The following LRRC58 variants were observed in gnomAD, a reference collection of about 807,000 sequenced individuals.
The protein encoded by LRRC58 is leucine rich repeat containing 58.
LRRC58 carries 18 observed loss-of-function variants against 30.6 expected under a neutral mutation model. The ratio of observed to expected loss-of-function variants is 0.59; its 90% CI spans 0.41 to 0.87. The LOEUF is 0.87. Among genes scored for constraint, LRRC58 ranks in the 40% least tolerant of loss-of-function variants. The pLI is 0.00. For synonymous variants in LRRC58, 221 were observed against 206.0 expected (o/e 1.07, Z -0.62); for missense variants, 420 against 468.4 (o/e 0.90, Z 0.95).
At position 120,349,041 on chromosome 3, in the gene LRRC58, G is replaced by A. The variant is rs1423424053; in HGVS notation, c.203C>T (p.Pro68Leu). The A allele has an allele frequency of 1.3e-6, 2 of 1,518,424 alleles. No homozygotes were observed. Among genetic ancestry groups the A allele is most frequent in the Admixed American group, 2.0e-5 (1 of 49,292 alleles). The allele number at this position is 1,518,424 out of a possible 1,614,324, so 94.1% of individuals were successfully genotyped here. A position where few individuals can be genotyped will look rare whatever the true frequency, so the allele number is the denominator to read the frequency against. ...GCTCACGTCCAGCAGCTGGAGGTGCGGGAAGCCGCTGCCCAGCGCCCGTGG... is the reference window on the plus strand; with the variant it reads ...GCTCACGTCCAGCAGCTGGAGGTGCAGGAAGCCGCTGCCCAGCGCCCGTGG... ...SLPRALGSGF[P>L]HLQLLDVSGN... Residue 68 changes from proline to leucine, a missense_variant, in exon 1 of 4, where the codon CCG (proline) becomes CTG (leucine). Physicochemically the swap from Pro to Leu is moderately conservative, Grantham distance 98. Transcript: ENST00000295628.
chr3:120,348,976 G>C lies in LRRC58; in HGVS notation c.268C>G (p.Leu90Val), dbSNP rs1450917261. 1.3e-6 allele frequency: 2 copies of C among 1,536,728 alleles called. No individual in the cohort carries two copies. Among genetic ancestry groups the C allele is most frequent in the East Asian group, 2.5e-5 (1 of 40,332 alleles). ...LTALGPELLA[L>V]RGLRTLLAKN... Reference sequence around the variant, plus strand: ...GCCAGCAGCGTGCGCAGGCCGCGCAGAGCGAGCAGCTCCGGCCCGAGCGCG... The same window carrying C: ...GCCAGCAGCGTGCGCAGGCCGCGCACAGCGAGCAGCTCCGGCCCGAGCGCG... The change falls in exon 1 of 4, where the codon CTG becomes GTG. Residue 90 changes from leucine to valine, a missense_variant. By Grantham distance (32) the Leu-to-Val change is conservative (BLOSUM62 1). Transcript: ENST00000295628.
rs753836777 is a variant in LRRC58 at position 120,329,247 on chromosome 3, A to G, written c.*1953T>C. 18 of 152,104 alleles carry G rather than the reference A, an allele frequency of 1.2e-4. No individual in the cohort carries two copies. The highest frequency in any genetic ancestry group is 2.5e-4 in the Non-Finnish European group (17 of 67,968). The allele number at this position is 152,104 out of a possible 1,614,324, so 9.4% of individuals were successfully genotyped here. A position where few individuals can be genotyped will look rare whatever the true frequency, so the allele number is the denominator to read the frequency against. Reference sequence around the variant, plus strand: ...CTTATGTATCTTAGGTAAGTCACTTATTTACAAAACATTTTACATTTGTCA... The same window carrying G: ...CTTATGTATCTTAGGTAAGTCACTTGTTTACAAAACATTTTACATTTGTCA... On this transcript the variant is annotated 3_prime_UTR_variant, in exon 4 of 4. Coordinates refer to ENST00000295628, the MANE Select transcript of LRRC58 (RefSeq NM_001099678.2).
In LRRC58 at chr3:120,324,896, T is replaced by A. The variant is rs1283829074; in HGVS notation, c.*6304A>T. ...ACTTATTTATCTATAGATGTAGATA[T>A]TCCTAATTTGCAAGATTTCAAATAC... On this transcript the variant is annotated 3_prime_UTR_variant, in exon 4 of 4. Transcript: ENST00000295628. The A allele has an allele frequency of 1.3e-5, 2 of 152,350 alleles. No homozygotes were observed. The highest frequency in any genetic ancestry group is 3.9e-4 in the East Asian group (2 of 5,192). The allele number at this position is 152,350 out of a possible 1,614,324, so 9.4% of individuals were successfully genotyped here.
chr3:120,329,972 A>AT lies in LRRC58; in HGVS notation c.*1227dup, dbSNP rs555663595. The AT allele has an allele frequency of 1.3e-5, 2 of 151,892 alleles. No individual in the cohort carries two copies. Among genetic ancestry groups the AT allele is most frequent in the Non-Finnish European group, 2.9e-5 (2 of 67,892 alleles). 9.4% of individuals were successfully genotyped at this position (151,892 alleles called of 1,614,324 possible). A position where few individuals can be genotyped will look rare whatever the true frequency, so the allele number is the denominator to read the frequency against. On this transcript the variant is annotated 3_prime_UTR_variant, in exon 4 of 4. Coordinates refer to ENST00000295628, the MANE Select transcript of LRRC58 (RefSeq NM_001099678.2). ...CATTAAGGATACAATATATTTAATAATTTTTTTCTATTTTATTAATACTTT... is the reference window on the plus strand; with the variant it reads ...CATTAAGGATACAATATATTTAATAATTTTTTTTCTATTTTATTAATACTTT...
In LRRC58 at chr3:120,326,109, T is replaced by G. The variant is rs1354916824; in HGVS notation, c.*5091A>C. The G allele has an allele frequency of 6.6e-6, 1 of 152,182 alleles. No homozygotes were observed. The highest frequency in any genetic ancestry group is 2.4e-5 in the African/African-American group (1 of 41,444). The allele number at this position is 152,182 out of a possible 1,614,324, so 9.4% of individuals were successfully genotyped here. A position where few individuals can be genotyped will look rare whatever the true frequency, so the allele number is the denominator to read the frequency against. On this transcript the variant is annotated 3_prime_UTR_variant, in exon 4 of 4. Transcript: ENST00000295628. The stretch of plus-strand genomic sequence containing the variant: ...AAGGCACATACTTCCTGACCACAAC[T>G]GAAATCATGATACCTTTAAAAAGAT...
chr3:120,328,405 A>G lies in LRRC58; in HGVS notation c.*2795T>C, dbSNP rs1204508824. On this transcript the variant is annotated 3_prime_UTR_variant, in exon 4 of 4. Coordinates refer to ENST00000295628, the MANE Select transcript of LRRC58 (RefSeq NM_001099678.2). ...CAATTTCAAATACTAGCACTGAAGA[A>G]TGCCATTCTAAATATATTAATGTTA... 6.6e-6 allele frequency: 1 copy of G among 152,218 alleles called. No individual in the cohort carries two copies. The highest frequency in any genetic ancestry group is 1.5e-5 in the Non-Finnish European group (1 of 68,026). 9.4% of individuals were successfully genotyped at this position (152,218 alleles called of 1,614,324 possible).
In LRRC58 at chr3:120,326,780, C is replaced by T. The variant is rs148674499; in HGVS notation, c.*4420G>A. 5.9e-5 allele frequency: 9 copies of T among 152,124 alleles called. No homozygotes were observed. The highest frequency in any genetic ancestry group is 2.0e-4 in the Admixed American group (3 of 15,286). The allele number at this position is 152,124 out of a possible 1,614,324, so 9.4% of individuals were successfully genotyped here. On this transcript the variant is annotated 3_prime_UTR_variant, in exon 4 of 4. Coordinates refer to ENST00000295628, the MANE Select transcript of LRRC58 (RefSeq NM_001099678.2). ...TAACCTCATATATACATAATATAAC[C>T]GATAGTTTTGTCTACCAAGGGTCTT...
chr3:120,344,629 A>C (rs1935944749), intron 1 of LRRC58, among the ~76,000 whole-genome samples: 1 of 152,166 alleles, frequency 6.6e-6, no homozygotes. Context: ...CATGAACAGA[A>C]AAAGGAAGGC....
chr3:120,341,431 T>C (rs1250704212), intron 1 of LRRC58, among the ~76,000 whole-genome samples: 2 of 151,940 alleles, frequency 1.3e-5, no homozygotes, highest in Non-Finnish European at 2.9e-5. Context: ...AAAAATAAAG[T>C]AAAAAAAGGA....
rs1936024998 is a variant in LRRC58, at chr3:120,349,307, G to A, written c.-64C>T. 4.5e-6 allele frequency: 6 copies of A among 1,327,754 alleles called. No homozygotes were observed. In the Admixed American group the frequency reaches 2.5e-4, roughly 55 times the overall value. The allele number at this position is 1,327,754 out of a possible 1,614,324, so 82.2% of individuals were successfully genotyped here. Reference sequence around the variant, plus strand: ...AGCGCCGCGCGCGGTCCAGAGGCCGGGAGCTCTGCGGCGCCCCGGAACCTG... The same window carrying A: ...AGCGCCGCGCGCGGTCCAGAGGCCGAGAGCTCTGCGGCGCCCCGGAACCTG... On this transcript the variant is annotated 5_prime_UTR_variant, in exon 1 of 4. Transcript: ENST00000295628.
chr3:120,342,423 G>T (rs1480234034), intron 1 of LRRC58, among the ~76,000 whole-genome samples: 2 of 152,232 alleles, frequency 1.3e-5, no homozygotes, highest in Non-Finnish European at 2.9e-5. Flanking sequence ...ACCAGCTGCA[G>T]AGAGGAGTAT....
Position 120,329,053 on chromosome 3 carries a change from T to C in LRRC58, c.*2147A>G, listed in dbSNP as rs890817673. 4.6e-5 allele frequency: 7 copies of C among 152,174 alleles called. No homozygotes were observed. Among genetic ancestry groups the C allele is most frequent in the Non-Finnish European group, 1.0e-4 (7 of 68,012 alleles). The allele number at this position is 152,174 out of a possible 1,614,324, so 9.4% of individuals were successfully genotyped here. A position where few individuals can be genotyped will look rare whatever the true frequency, so the allele number is the denominator to read the frequency against. On this transcript the variant is annotated 3_prime_UTR_variant, in exon 4 of 4. Transcript: ENST00000295628. ...GGGTATGTAAGATTATATATTTACA[T>C]ACCTATCCATTTATTTTACGAAGAC...
Position 120,348,882 on chromosome 3 carries a change from C to T in LRRC58, c.362G>A (p.Ser121Asn). The change falls in exon 1 of 4, where the codon AGC becomes AAC. Residue 121 changes from serine (S) to asparagine (N), a missense_variant. By Grantham distance (46) the Ser-to-Asn change is conservative. Coordinates refer to ENST00000295628, the MANE Select transcript of LRRC58 (RefSeq NM_001099678.2). ...GCCGCTGAGGTTGAGCACCTGGAGG[C>T]TGCGGCAGAGCGGCGACTGGGCCAG... ...KGLAQSPLCRSLQVLNLSGNC... is the reference protein window; with the variant it reads ...KGLAQSPLCRNLQVLNLSGNC... The T allele has an allele frequency of 1.3e-6, 2 of 1,592,002 alleles. No individual in the cohort carries two copies. Among genetic ancestry groups the T allele is most frequent in the Non-Finnish European group, 8.5e-7 (1 of 1,170,538 alleles).
chr3:120,338,535 T>C (rs56384860), intron 1 of LRRC58, among the ~76,000 whole-genome samples: 6,585 of 152,316 alleles, frequency 0.043, 358 homozygotes, highest in African/African-American at 0.13. Context: ...AGCAATCAGA[T>C]AGTGATGGAA....
chr3:120,341,951 C>T (rs569729510), intron 1 of LRRC58, among the ~76,000 whole-genome samples: 4 of 152,226 alleles, frequency 2.6e-5, no homozygotes, highest in East Asian at 1.9e-4. Context: ...TGCCTTCCCG[C>T]GAGCAGCTGC....
At position 120,329,597 on chromosome 3, in the gene LRRC58, T is replaced by C. The variant is rs1935725832; in HGVS notation, c.*1603A>G. On this transcript the variant is annotated 3_prime_UTR_variant, in exon 4 of 4. Coordinates refer to ENST00000295628, the MANE Select transcript of LRRC58 (RefSeq NM_001099678.2). ...ACAAATAAACACATAAACCCTGAAT[T>C]ATGCTAGTTTCTTCTAAAATAAAAA... 2 of 152,026 alleles carry C rather than the reference T, an allele frequency of 1.3e-5. No homozygotes were observed. Among genetic ancestry groups the C allele is most frequent in the South Asian group, 2.1e-4 (1 of 4,828 alleles). The allele number at this position is 152,026 out of a possible 1,614,324, so 9.4% of individuals were successfully genotyped here. A position where few individuals can be genotyped will look rare whatever the true frequency, so the allele number is the denominator to read the frequency against.
intron 1 of LRRC58, among the ~76,000 whole-genome samples, chr3:120,338,041 C>G (rs1177170119): frequency 1.3e-5 from 2 of 152,126 alleles, no homozygotes; most frequent in Non-Finnish European, 2.9e-5. Flanking sequence ...TGGGGTTTCA[C>G]CATGTTAGCC....
chr3:120,348,746 C>G lies in LRRC58; in HGVS notation c.498G>C (p.Gln166His). The G allele has an allele frequency of 6.3e-7, 1 of 1,580,532 alleles. No homozygotes were observed. Among genetic ancestry groups the G allele is most frequent in the Non-Finnish European group, 8.6e-7 (1 of 1,162,958 alleles). Residue 166 changes from glutamine (Q) to histidine (H), a missense_variant and splice_region_variant, in exon 1 of 4, where the codon CAG becomes CAC. Coordinates refer to ENST00000295628, the MANE Select transcript of LRRC58 (RefSeq NM_001099678.2). ...CCCTCCGGCACACACCCGCTCACCT[C>G]TGCAAGTTCTCGATCTCAGCCGGGA... Reference protein sequence around the residue: ...QSIPAEIENLQSLECLYLGGN... With the variant: ...QSIPAEIENLHSLECLYLGGN...
intron 3 of LRRC58, among the ~76,000 whole-genome samples, chr3:120,333,002 G>A (rs923034032): frequency 2.7e-5 from 4 of 148,950 alleles, no homozygotes; most frequent in Non-Finnish European, 5.9e-5. Flanking sequence ...CTCTTGCCTC[G>A]AATGGCGTGA....
Sources: allele counts gnomAD v4.1 joint callset (sites outside exome capture counted in the v4.1 genomes callset), GRCh38; gene constraint gnomAD v4.1.1; transcripts MANE v1.5; gene names NCBI Gene and HGNC (gene_info 2026-07-23, HGNC 2026-07-21).